AFF3: variants seen among roughly 807,000 people sequenced by gnomAD.
AFF3 encodes ALF transcription elongation factor 3.
A neutral mutation model predicts 129.7 loss-of-function variants in AFF3; 32 were observed. That is an observed-to-expected ratio of 0.25 (90% CI 0.19 to 0.33). AFF3 has a LOEUF of 0.33. Ranked by LOEUF, AFF3 falls within the 10% of genes least tolerant of loss-of-function variation. The pLI is 1.00. For missense variants in AFF3, 1,373 were observed against 1,592.0 expected, an observed-to-expected ratio of 0.86 and a Z score of 2.34; for synonymous variants, 644 against 635.4, an observed-to-expected ratio of 1.01 and a Z score of -0.20.
intron 7 of AFF3, among the ~76,000 whole-genome samples, chr2:99,897,264 A>C (rs1219298383): frequency 2.0e-5 from 3 of 152,212 alleles, no homozygotes; most frequent in African/African-American, 7.2e-5. Flanking sequence ...AGTATAAGAC[A>C]AATTGGATGG....
At chr2:99,656,899 T>C (rs1439377461) in intron 12 of AFF3, among the ~76,000 whole-genome samples, 2 of 152,134 alleles carry the variant, frequency 1.3e-5, no homozygotes, top group African/African-American at 2.4e-5. Flanking sequence ...CCATTCTCTA[T>C]AGGGGTCAGG....
chr2:99,677,270 A>AG (rs1373180963), intron 11 of AFF3, among the ~76,000 whole-genome samples: 1 of 151,336 alleles, frequency 6.6e-6, no homozygotes. Flanking sequence ...TCTCAAAAAA[A>AG]AAAAAAAAAA....
chr2:99,997,313 G>A (rs903847303), intron 7 of AFF3, among the ~76,000 whole-genome samples: 13 of 152,126 alleles, frequency 8.5e-5, no homozygotes, highest in African/African-American at 3.1e-4. Context: ...CCTCATCTCA[G>A]TTGATAGTAA....
Position 99,593,299 on chromosome 2 carries a change from C to G in AFF3, c.2362G>C (p.Val788Leu). Reference sequence around the variant, plus strand: ...TCCTTGGTGGCAGGGGCGCTCAATACCCCTGGCTCCTGGGGCAGGTGTTCT... The same window carrying G: ...TCCTTGGTGGCAGGGGCGCTCAATAGCCCTGGCTCCTGGGGCAGGTGTTCT... ...IPEHLPQEPGVLSAPATKDSE... is the reference protein window; with the variant it reads ...IPEHLPQEPGLLSAPATKDSE... The change falls in exon 15 of 25, where the codon GTA becomes CTA. Residue 788 changes from valine to leucine, a missense_variant. Transcript: ENST00000672756. 1 of 1,614,020 alleles carries G rather than the reference C, an allele frequency of 6.2e-7. No homozygotes were observed. The highest frequency in any genetic ancestry group is 1.1e-5 in the South Asian group (1 of 91,072).
chr2:99,913,457 CAGATAAT>C (rs1243933411), intron 7 of AFF3, among the ~76,000 whole-genome samples: 7 of 152,200 alleles, frequency 4.6e-5, no homozygotes, highest in Middle Eastern at 6.8e-3. Flanking sequence ...GATTGGTAGA[CAGATAAT>C]AGATGATCAA....
At chr2:100,105,002 C>G (rs1460835663) in intron 3 of AFF3, 4 of 151,574 alleles carry the variant, frequency 2.6e-5, no homozygotes, top group African/African-American at 9.7e-5. Flanking sequence ...CCTGCCGCCC[C>G]TCTCTCGTGG....
chr2:99,963,448 T>C lies in AFF3; in HGVS notation c.873+43184A>G, dbSNP rs1026912830. On this transcript the variant is annotated intron_variant, in intron 7 of 24. Coordinates refer to ENST00000672756, the MANE Select transcript of AFF3 (RefSeq NM_001386135.1). ...ACAGGGAATACTTAAGACAATTACATTTAAAGAGAGGAAAGGATAAAGATA... is the reference window on the plus strand; with the variant it reads ...ACAGGGAATACTTAAGACAATTACACTTAAAGAGAGGAAAGGATAAAGATA... 5.4e-4 allele frequency among the ~76,000 whole-genome samples: 82 copies of C among 152,064 alleles called. 1 individual carries two copies. The highest frequency in any genetic ancestry group is 1.0e-4 in the Non-Finnish European group (7 of 67,958).
intron 4 of AFF3, among the ~76,000 whole-genome samples, chr2:100,102,178 A>C (rs1311213046): frequency 1.3e-5 from 2 of 151,804 alleles, no homozygotes; most frequent in Non-Finnish European, 2.9e-5. Flanking sequence ...AAGTAACCAT[A>C]AACTTAAAAA....
chr2:99,891,510 C>G (rs566720911), intron 7 of AFF3, among the ~76,000 whole-genome samples: 1 of 152,162 alleles, frequency 6.6e-6, no homozygotes, highest in Non-Finnish European at 1.5e-5. Flanking sequence ...CAGAGTCTGC[C>G]CAGCCCGGCA....
At chr2:100,057,887 A>T (rs973239702) in intron 4 of AFF3, among the ~76,000 whole-genome samples, 15 of 152,238 alleles carry the variant, frequency 9.9e-5, no homozygotes, top group Non-Finnish European at 1.8e-4. Flanking sequence ...TCTTTCCTGG[A>T]ATCAAGATAA....
intron 20 of AFF3, among the ~76,000 whole-genome samples, chr2:99,563,083 T>C (rs1675621016): frequency 6.6e-6 from 1 of 152,028 alleles, no homozygotes; most frequent in African/African-American, 2.4e-5. Context: ...TAGGTCATCT[T>C]GGTGGTGAGA....
At chr2:99,634,160 G>A (rs183362291) in intron 13 of AFF3, among the ~76,000 whole-genome samples, 274 of 152,152 alleles carry the variant, frequency 1.8e-3, no homozygotes, top group African/African-American at 6.1e-3. Context: ...CACCTGCTTC[G>A]GCCTTCCAAA....
chr2:99,763,710 A>C (rs1365450553), intron 8 of AFF3, among the ~76,000 whole-genome samples: 1 of 152,254 alleles, frequency 6.6e-6, no homozygotes, highest in African/African-American at 2.4e-5. Flanking sequence ...ATTGCAACTG[A>C]TTCAAACACA....
chr2:99,914,215 T>A (rs1254190924), intron 7 of AFF3, among the ~76,000 whole-genome samples: 1 of 152,200 alleles, frequency 6.6e-6, no homozygotes, highest in African/African-American at 2.4e-5. Flanking sequence ...TGCAACGAAC[T>A]GAGAAGGACC....
At chr2:99,929,084 G>A (rs182777911) in intron 7 of AFF3, among the ~76,000 whole-genome samples, 141 of 152,272 alleles carry the variant, frequency 9.3e-4, no homozygotes, top group African/African-American at 3.2e-3. Flanking sequence ...AATGGCATGC[G>A]TAAATGAAAG....
Position 99,659,557 on chromosome 2 carries a change from G to C in AFF3, c.1144-9891C>G, listed in dbSNP as rs902988674. On this transcript the variant is annotated intron_variant, in intron 12 of 24. Coordinates refer to ENST00000672756, the MANE Select transcript of AFF3 (RefSeq NM_001386135.1). ...TAGAATGGGCAGGTCTTTTCTAGAG[G>C]TCTGTGACATACAATTTTAGGGGAA... Among the ~76,000 whole-genome samples, 8 of 152,284 alleles carry C rather than the reference G, an allele frequency of 5.3e-5. No homozygotes were observed. The East Asian group carries it at 9.6e-4, about 18-fold the overall frequency.
At chr2:99,820,186 T>C (rs1408321412) in intron 8 of AFF3, among the ~76,000 whole-genome samples, 1 of 152,146 alleles carries the variant, frequency 6.6e-6, no homozygotes, top group African/African-American at 2.4e-5. Flanking sequence ...AGAGTGCACT[T>C]ACACAAACCT....
intron 8 of AFF3, among the ~76,000 whole-genome samples, chr2:99,763,862 G>A (rs1286727874): frequency 6.6e-6 from 1 of 152,210 alleles, no homozygotes; most frequent in Non-Finnish European, 1.5e-5. Flanking sequence ...ATTCCTGGGA[G>A]CTGTACACGT....
At chr2:100,106,707 G>T in intron 2 of AFF3, 1 of 985,904 alleles carries the variant, frequency 1.0e-6, no homozygotes, top group African/African-American at 1.7e-5. Flanking sequence ...GCCCTCACCG[G>T]GATCTGGCTT....
Sources: gnomAD v4.1 joint callset for allele counts (sites outside exome capture counted in the v4.1 genomes callset) on GRCh38, gnomAD v4.1.1 for gene constraint, MANE v1.5 for transcripts, NCBI Gene and HGNC (gene_info 2026-07-23, HGNC 2026-07-21) for gene names.